MGAT4A: variants seen among roughly 807,000 people sequenced by gnomAD.
The protein encoded by MGAT4A is N-acetylglucosaminyltransferase IVa.
A neutral mutation model predicts 74.1 loss-of-function variants in MGAT4A; 33 were observed. The observed-to-expected ratio is 0.45, with a 90% CI of 0.34 to 0.60. MGAT4A has a LOEUF of 0.60. Ranked by LOEUF, MGAT4A falls within the 20% of genes least tolerant of loss-of-function variation. MGAT4A has a pLI of 0.02. For missense variants in MGAT4A, 479 were observed against 628.3 expected (o/e 0.76, Z 2.54); for synonymous variants, 198 against 210.4 (o/e 0.94, Z 0.51).
At position 98,678,450 on chromosome 2, in the gene MGAT4A, C is replaced by T. The variant is rs151092759; in HGVS notation, c.116G>A (p.Arg39Gln). ...NGKEKLIAYQ[R>Q]EFLALKERLR... ...ACGTTCTTTCAAAGCAAGGAATTCT[C>T]GTTGATAAGCAATCAGTTTTTCTAG... The change falls in exon 3 of 16, where the codon CGA becomes CAA. Residue 39 changes from arginine (R) to glutamine (Q), a missense_variant. Arg to Gln is a conservative substitution (Grantham distance 43). This residue lies in a region of MGAT4A where 205 missense variants were observed against 232.7 expected (regional missense o/e 0.88). Coordinates refer to ENST00000393487, the MANE Select transcript of MGAT4A (RefSeq NM_012214.3). 5.1e-6 allele frequency: 8 copies of T among 1,576,770 alleles called. No homozygotes were observed. Among genetic ancestry groups the T allele is most frequent in the Admixed American group, 5.1e-5 (3 of 59,136 alleles).
chr2:98,648,820 C>T (rs1006270424), intron 8 of MGAT4A, among the ~76,000 whole-genome samples: 5 of 151,834 alleles, frequency 3.3e-5, no homozygotes, highest in Non-Finnish European at 5.9e-5. Context: ...CATTTGAGGC[C>T]GGGAGTTCAA....
rs992171267 is a variant in MGAT4A, at chr2:98,726,333, C to T, written c.-1G>A. ...CTACAGTTCCATTGCGGAGCCTCAT[C>T]TCATTTCACCATCACACTGGTCCAT... is the stretch of plus-strand genomic sequence containing the variant. On this transcript the variant is annotated 5_prime_UTR_variant, in exon 2 of 16. Transcript: ENST00000393487. 6.2e-7 allele frequency: 1 copy of T among 1,612,502 alleles called. No individual in the cohort carries two copies. Among genetic ancestry groups the T allele is most frequent in the Non-Finnish European group, 8.5e-7 (1 of 1,178,704 alleles).
intron 5 of MGAT4A, among the ~76,000 whole-genome samples, chr2:98,661,455 C>T (rs967248141): frequency 6.6e-6 from 1 of 152,008 alleles, no homozygotes; most frequent in African/African-American, 2.4e-5. Context: ...AATATGTACA[C>T]ATATGTATGT....
At chr2:98,632,647 G>C (rs1020501929) in intron 14 of MGAT4A, among the ~76,000 whole-genome samples, 1 of 152,208 alleles carries the variant, frequency 6.6e-6, no homozygotes, top group Non-Finnish European at 1.5e-5. Flanking sequence ...CCTCTCCATT[G>C]GGCACAATCT....
At chr2:98,673,111 G>A (rs1701933283) in intron 4 of MGAT4A, among the ~76,000 whole-genome samples, 1 of 152,026 alleles carries the variant, frequency 6.6e-6, no homozygotes, top group African/African-American at 2.4e-5. Flanking sequence ...GTGCTGGGTG[G>A]TGCGCCGACA....
intron 4 of MGAT4A, 50 bp downstream of exon 4, chr2:98,674,985 C>T (rs1180006538): frequency 1.3e-6 from 2 of 1,579,818 alleles, no homozygotes; most frequent in East Asian, 2.3e-5. Context: ...TAGTCCAAAA[C>T]ACATTTAACA....
In MGAT4A at chr2:98,624,593, C is replaced by T. The variant is rs1701116366; in HGVS notation, c.*973G>A. 1.0e-6 allele frequency: 1 copy of T among 984,882 alleles called. No homozygotes were observed. Among genetic ancestry groups the T allele is most frequent in the Non-Finnish European group, 1.2e-6 (1 of 829,614 alleles). The allele number at this position is 984,882 out of a possible 1,614,324, so 61.0% of individuals were successfully genotyped here. A position where few individuals can be genotyped will look rare whatever the true frequency, so the allele number is the denominator to read the frequency against. On this transcript the variant is annotated 3_prime_UTR_variant, in exon 16 of 16. Coordinates refer to ENST00000393487, the MANE Select transcript of MGAT4A (RefSeq NM_012214.3). ...TAGCAACACCTAGAAAACATTTTGT[C>T]TGACGTCATAAAATGAGTGCAGATA... is the stretch of plus-strand genomic sequence containing the variant.
chr2:98,712,029 A>G lies in MGAT4A; in HGVS notation c.94+14210T>C, dbSNP rs548904617. Among the ~76,000 whole-genome samples, 11 of 152,200 alleles carry G rather than the reference A, an allele frequency of 7.2e-5. No individual in the cohort carries two copies. In the South Asian group the frequency reaches 1.9e-3, roughly 26 times the overall value. ...CAGATCTCTCGTCACCTTTACTGCTACCATCCCTGCTCCCAGCTCTAACAG... is the reference window on the plus strand; with the variant it reads ...CAGATCTCTCGTCACCTTTACTGCTGCCATCCCTGCTCCCAGCTCTAACAG... On this transcript the variant is annotated intron_variant, in intron 2 of 15. Transcript: ENST00000393487.
At position 98,678,398 on chromosome 2, in the gene MGAT4A, T is replaced by C; in HGVS notation, c.168A>G (p.Ser56=). ...TCGTATTTAATTCAGAAGAGCGCTG[T>C]GAGATTCTGTGTTCAGCTATTCGAA... ...ERLRIAEHRI[S]QRSSELNTIV... The change falls in exon 3 of 16, where the codon TCA becomes TCG. Residue 56 remains serine (S), a synonymous_variant. Coordinates refer to ENST00000393487, the MANE Select transcript of MGAT4A (RefSeq NM_012214.3). 6.3e-7 allele frequency: 1 copy of C among 1,595,942 alleles called. No individual in the cohort carries two copies. Among genetic ancestry groups the C allele is most frequent in the Non-Finnish European group, 8.6e-7 (1 of 1,167,798 alleles).
chr2:98,666,829 TAA>T (rs1204452638), intron 4 of MGAT4A, among the ~76,000 whole-genome samples: 1 of 152,152 alleles, frequency 6.6e-6, no homozygotes, highest in African/African-American at 2.4e-5. Flanking sequence ...AAGAATGGCA[TAA>T]AGTCACAATG....
intron 8 of MGAT4A, among the ~76,000 whole-genome samples, chr2:98,653,621 T>C (rs1437367703): frequency 2.6e-5 from 4 of 152,238 alleles, no homozygotes; most frequent in Non-Finnish European, 2.9e-5. Context: ...GGGTGAATCA[T>C]GGAGAAATAA....
chr2:98,687,813 C>A (rs111458477), intron 2 of MGAT4A, among the ~76,000 whole-genome samples: 1,591 of 152,260 alleles, frequency 0.01, 21 homozygotes, highest in African/African-American at 0.037. Flanking sequence ...TTTCCAACAC[C>A]GGCTAGTGCT....
rs368307434 is a variant in MGAT4A, at chr2:98,665,839, A to G, written c.404-2660T>C. ...AAAGAGCTGATGAAGAATACTGCAG[A>G]AGAGGAAGCAACAAGGCCCTGAAGC... On this transcript the variant is annotated intron_variant, in intron 4 of 15. Transcript: ENST00000393487. 6.6e-5 allele frequency among the ~76,000 whole-genome samples: 10 copies of G among 152,374 alleles called. 1 individual carries two copies. In the East Asian group the frequency reaches 1.5e-3, roughly 24 times the overall value.
At chr2:98,660,430 A>G (rs1000933857) in intron 5 of MGAT4A, among the ~76,000 whole-genome samples, 2,437 of 49,566 alleles carry the variant, frequency 0.049, 64 homozygotes, top group African/African-American at 0.24. Flanking sequence ...ACACACACAC[A>G]CACACACACA....
chr2:98,724,213 A>C (rs1447529968), intron 2 of MGAT4A, among the ~76,000 whole-genome samples: 3 of 148,344 alleles, frequency 2.0e-5, no homozygotes, highest in Non-Finnish European at 4.5e-5. Context: ...AAAAAACAAC[A>C]AAAAAAAACC....
intron 5 of MGAT4A, among the ~76,000 whole-genome samples, chr2:98,659,723 T>C (rs770638101): frequency 9.9e-5 from 15 of 152,218 alleles, no homozygotes; most frequent in Non-Finnish European, 1.9e-4. Context: ...AGACATGCCT[T>C]TCGCCTTCTG....
chr2:98,650,263 C>T (rs1701557810), intron 8 of MGAT4A, among the ~76,000 whole-genome samples: 3 of 151,990 alleles, frequency 2.0e-5, no homozygotes, highest in Admixed American at 1.3e-4. Flanking sequence ...AGAAAAATAG[C>T]GATACCCTAA....
intron 12 of MGAT4A, among the ~76,000 whole-genome samples, chr2:98,637,848 G>A (rs971277267): frequency 2.0e-5 from 3 of 152,080 alleles, no homozygotes; most frequent in African/African-American, 7.2e-5. Flanking sequence ...AAAGTCCCCC[G>A]CACATTCAAA....
intron 12 of MGAT4A, 124 bp downstream of exon 12, chr2:98,639,684 C>T (rs1559156441): frequency 1.4e-6 from 1 of 710,226 alleles, no homozygotes; most frequent in Non-Finnish European, 2.2e-6. Flanking sequence ...AATTTAAAGC[C>T]CAACATTTTG....
Sources: gnomAD v4.1 joint callset for allele counts (sites outside exome capture counted in the v4.1 genomes callset) on GRCh38, gnomAD v4.1.1 for gene constraint, gnomAD v4.1.1 regional missense constraint, MANE v1.5 for transcripts, NCBI Gene and HGNC (gene_info 2026-07-23, HGNC 2026-07-21) for gene names.